Variants in DNM3 observed in about 807,000 individuals in gnomAD.
DNM3 encodes the protein dynamin-3.
A neutral mutation model predicts 101.6 loss-of-function variants in DNM3; 47 were observed. That is an observed-to-expected ratio of 0.46 (90% CI 0.37 to 0.59). The LOEUF is 0.59. Ranked by LOEUF, DNM3 falls within the 20% of genes least tolerant of loss-of-function variation. The pLI, the probability that DNM3 is intolerant of heterozygous loss-of-function variation, is 0.00. For missense variants in DNM3, 849 were observed against 1,085.7 expected, an observed-to-expected ratio of 0.78 and a Z score of 3.06; for synonymous variants, 385 against 387.9, an observed-to-expected ratio of 0.99 and a Z score of 0.09.
intron 18 of DNM3, among the ~76,000 whole-genome samples, chr1:172,380,040 A>G (rs2068812705): frequency 6.6e-6 from 1 of 152,026 alleles, no homozygotes; most frequent in African/African-American, 2.4e-5. Flanking sequence ...TATGAGCATT[A>G]CTTGTAAGAA....
At chr1:172,395,587 A>G (rs186593636) in intron 20 of DNM3, among the ~76,000 whole-genome samples, 1 of 152,348 alleles carries the variant, frequency 6.6e-6, no homozygotes, top group African/African-American at 2.4e-5. Context: ...TTAAATGCCT[A>G]CCTCCAGCAA....
At chr1:172,212,657 A>C (rs936157257) in intron 14 of DNM3, among the ~76,000 whole-genome samples, 1 of 152,214 alleles carries the variant, frequency 6.6e-6, no homozygotes, top group African/African-American at 2.4e-5. Context: ...CAAGGAACTA[A>C]AAACAAGGCA....
chr1:172,020,679 A>G (rs4393193), intron 4 of DNM3, among the ~76,000 whole-genome samples: 87,639 of 144,386 alleles, frequency 0.61, 26,725 homozygotes, highest in East Asian at 0.83. Context: ...GGCCGAGATC[A>G]CGCCACTGCA....
chr1:172,080,638 C>T (rs1360906684), intron 11 of DNM3, among the ~76,000 whole-genome samples: 1 of 152,140 alleles, frequency 6.6e-6, no homozygotes, highest in African/African-American at 2.4e-5. Context: ...GTGAACGGTT[C>T]TGTCTTGCTG....
chr1:171,934,745 T>C (rs16843578), intron 2 of DNM3, among the ~76,000 whole-genome samples: 19,897 of 152,174 alleles, frequency 0.13, 1,544 homozygotes, highest in East Asian at 0.33. Flanking sequence ...ATGTGGATAC[T>C]GAGTGTCCAA....
At chr1:171,998,249 A>G (rs2046132266) in intron 4 of DNM3, among the ~76,000 whole-genome samples, 1 of 152,182 alleles carries the variant, frequency 6.6e-6, no homozygotes, top group African/African-American at 2.4e-5. Context: ...AAATTTTACA[A>G]TACTAAATAT....
chr1:172,009,428 T>C (rs2046969358), intron 4 of DNM3, among the ~76,000 whole-genome samples: 1 of 151,496 alleles, frequency 6.6e-6, no homozygotes, highest in Non-Finnish European at 1.5e-5. Flanking sequence ...TTATGTTACA[T>C]CTGTAGCATG....
intron 14 of DNM3, among the ~76,000 whole-genome samples, chr1:172,182,560 T>A (rs1264804785): frequency 6.6e-6 from 1 of 152,128 alleles, no homozygotes; most frequent in Non-Finnish European, 1.5e-5. Context: ...TTTCTCCTAC[T>A]CTGTTTAAGG....
intron 15 of DNM3, among the ~76,000 whole-genome samples, chr1:172,283,577 T>C (rs1414220599): frequency 6.6e-6 from 1 of 151,662 alleles, no homozygotes; most frequent in Non-Finnish European, 1.5e-5. Context: ...CTGGCCAAGA[T>C]GCTGAAACGC....
chr1:172,082,780 C>T (rs1263884773), intron 12 of DNM3, among the ~76,000 whole-genome samples: 2 of 152,194 alleles, frequency 1.3e-5, no homozygotes, highest in African/African-American at 2.4e-5. Flanking sequence ...GTGACCTAAA[C>T]TAAACAGTGG....
chr1:172,407,777 G>A lies in DNM3; in HGVS notation c.2528G>A (p.Arg843Lys). Residue 843 changes from arginine to lysine, a missense_variant, in exon 21 of 21, where the codon AGA becomes AAA. By Grantham distance (26) the Arg-to-Lys change is conservative. Transcript: ENST00000627582. ...TRAPPSVPSR[R>K]PPPSPTRPTI... The stretch of plus-strand genomic sequence containing the variant: ...TTCTCTTTTTCTCTTTCTAGCCGGA[G>A]ACCACCCCCATCACCAACTCGTCCC... 1 of 1,612,896 alleles carries A rather than the reference G, an allele frequency of 6.2e-7. No individual in the cohort carries two copies. Among genetic ancestry groups the A allele is most frequent in the Admixed American group, 1.7e-5 (1 of 59,940 alleles).
exon 21 of DNM3, chr1:172,418,445 C>A: frequency 1.4e-6 from 1 of 719,254 alleles, no homozygotes; most frequent in Non-Finnish European, 1.8e-6. Context: ...ATAATAAAAA[C>A]AAAGTTTATT....
chr1:172,397,339 T>A (rs1247093922), intron 20 of DNM3: 7 of 152,752 alleles, frequency 4.6e-5, no homozygotes, highest in Admixed American at 6.5e-5. Flanking sequence ...TGCAGTAATT[T>A]CCCGCCAAAT....
intron 17 of DNM3, among the ~76,000 whole-genome samples, chr1:172,352,812 T>A (rs1294401867): frequency 6.6e-6 from 1 of 152,192 alleles, no homozygotes; most frequent in East Asian, 1.9e-4. Flanking sequence ...AAGACCCATA[T>A]GCACCACCTG....
At chr1:171,853,704 C>G (rs1045486619) in intron 1 of DNM3, among the ~76,000 whole-genome samples, 3 of 152,038 alleles carry the variant, frequency 2.0e-5, no homozygotes, top group Non-Finnish European at 4.4e-5. Flanking sequence ...CTCAGCTGTC[C>G]TCCTTTCGCA....
At chr1:171,994,714 T>A (rs571944375) in intron 4 of DNM3, among the ~76,000 whole-genome samples, 2 of 128,260 alleles carry the variant, frequency 1.6e-5, no homozygotes, top group East Asian at 4.1e-4. Context: ...TTTTTCTTTC[T>A]TTCTTTTTTT....
At chr1:172,049,938 G>A (rs937996040) in intron 10 of DNM3, among the ~76,000 whole-genome samples, 2 of 152,074 alleles carry the variant, frequency 1.3e-5, no homozygotes, top group African/African-American at 4.8e-5. Context: ...AGCAGTAAAT[G>A]GAACTAGCTT....
Position 171,987,823 on chromosome 1 carries a change from A to G in DNM3, c.385+18A>G. 1 of 1,530,154 alleles carries G rather than the reference A, an allele frequency of 6.5e-7. No homozygotes were observed. Among genetic ancestry groups the G allele is most frequent in the South Asian group, 1.3e-5 (1 of 76,378 alleles). The allele number at this position is 1,530,154 out of a possible 1,614,324, so 94.8% of individuals were successfully genotyped here. A position where few individuals can be genotyped will look rare whatever the true frequency, so the allele number is the denominator to read the frequency against. On this transcript the variant is annotated intron_variant, in intron 3 of 20. Transcript: ENST00000627582. The stretch of plus-strand genomic sequence containing the variant: ...CCCACACGGTAAGTAAAATAATAAA[A>G]TTCCAAATTCTTCTCCTCAAACATT...
In DNM3 at chr1:172,253,619, G is replaced by A. The variant is rs1473847151; in HGVS notation, c.1706G>A (p.Arg569Gln). 5.0e-6 allele frequency: 8 copies of A among 1,593,892 alleles called. No individual in the cohort carries two copies. Among genetic ancestry groups the A allele is most frequent in the South Asian group, 1.1e-5 (1 of 87,336 alleles). The change falls in exon 15 of 21, where the codon CGG (arginine) becomes CAG (glutamine). Residue 569 changes from arginine (R) to glutamine (Q), a missense_variant. This residue lies in a region of DNM3 where 193 missense variants were observed against 238.4 expected (regional missense o/e 0.81). Transcript: ENST00000627582. ...CTTCCCTTGGACAACCTGAAAGTTC[G>A]GGATGTGGAAAAGAGCTTTATGTCT... ...YMLPLDNLKV[R>Q]DVEKSFMSSK... is the part of the protein sequence containing the mutation.
Sources: allele counts gnomAD v4.1 joint callset (sites outside exome capture counted in the v4.1 genomes callset), GRCh38; gene constraint gnomAD v4.1.1; regional missense constraint gnomAD v4.1.1; transcripts MANE v1.5; gene names NCBI Gene and HGNC (gene_info 2026-07-23, HGNC 2026-07-21).